The following CABCOCO1 variants were observed in gnomAD, a reference collection of about 807,000 sequenced individuals.
The protein encoded by CABCOCO1 is ciliary associated calcium binding coiled-coil 1.
Under a neutral mutation model 35.7 loss-of-function variants are expected in CABCOCO1, and 28 were observed. That is an observed-to-expected ratio of 0.78 (90% CI 0.58 to 1.07). The LOEUF is 1.07. Ranked by LOEUF, CABCOCO1 falls within the 50% of genes least tolerant of loss-of-function variation. The pLI is 0.00. For missense variants in CABCOCO1, 326 were observed against 309.2 expected, an observed-to-expected ratio of 1.05 and a Z score of -0.41; for synonymous variants, 95 against 100.1, an observed-to-expected ratio of 0.95 and a Z score of 0.30.
intron 5 of CABCOCO1, among the ~76,000 whole-genome samples, chr10:61,728,514 A>G (rs181763209): frequency 6.6e-6 from 1 of 152,302 alleles, no homozygotes; most frequent in Admixed American, 6.5e-5. Flanking sequence ...AGAAATAATA[A>G]TTTGTATTAT....
At chr10:61,694,721 C>T (rs1840248272) in intron 5 of CABCOCO1, among the ~76,000 whole-genome samples, 1 of 151,984 alleles carries the variant, frequency 6.6e-6, no homozygotes, top group Non-Finnish European at 1.5e-5. Context: ...CTATGGGCAT[C>T]TACAAGTTTG....
At chr10:61,763,829 G>T (rs1041753937) in intron 7 of CABCOCO1, among the ~76,000 whole-genome samples, 3 of 151,220 alleles carry the variant, frequency 2.0e-5, no homozygotes, top group African/African-American at 7.3e-5. Context: ...CATAGTATTT[G>T]CAGGATTGCT....
intron 5 of CABCOCO1, among the ~76,000 whole-genome samples, chr10:61,755,013 A>G (rs1056131978): frequency 6.6e-6 from 1 of 152,206 alleles, no homozygotes; most frequent in Non-Finnish European, 1.5e-5. Context: ...ATTTATTTCC[A>G]AGTCAAAAAT....
At chr10:61,727,648 T>G (rs530322560) in intron 5 of CABCOCO1, among the ~76,000 whole-genome samples, 21 of 152,358 alleles carry the variant, frequency 1.4e-4, no homozygotes, top group South Asian at 6.2e-4. Flanking sequence ...ATTTTCCTGA[T>G]AATTGTCATT....
intron 7 of CABCOCO1, among the ~76,000 whole-genome samples, chr10:61,765,398 A>G (rs1314449303): frequency 6.6e-6 from 1 of 152,212 alleles, no homozygotes; most frequent in Non-Finnish European, 1.5e-5. Flanking sequence ...TTTTTACCAA[A>G]AATATATCAG....
chr10:61,750,893 T>C (rs1841766866), intron 5 of CABCOCO1, among the ~76,000 whole-genome samples: 1 of 152,168 alleles, frequency 6.6e-6, no homozygotes, highest in Admixed American at 6.5e-5. Context: ...TAGGGGTCCT[T>C]AAGATGAATA....
At chr10:61,707,583 C>T (rs1589133430) in intron 5 of CABCOCO1, among the ~76,000 whole-genome samples, 1 of 152,084 alleles carries the variant, frequency 6.6e-6, no homozygotes, top group South Asian at 2.1e-4. Context: ...AGTAGGCTGA[C>T]TTCTAATCAG....
intron 5 of CABCOCO1, among the ~76,000 whole-genome samples, chr10:61,743,777 C>T (rs954370993): frequency 2.6e-5 from 4 of 152,162 alleles, no homozygotes; most frequent in African/African-American, 9.6e-5. Flanking sequence ...CCAACCCCAT[C>T]TGCATGCTAA....
At position 61,747,267 on chromosome 10, in the gene CABCOCO1, C is replaced by G. The variant is rs1420721773; in HGVS notation, c.553-12792C>G. Among the ~76,000 whole-genome samples, 6 of 151,884 alleles carry G rather than the reference C, an allele frequency of 4.0e-5. No individual in the cohort carries two copies. The South Asian group carries it at 8.3e-4, about 21-fold the overall frequency. On this transcript the variant is annotated intron_variant, in intron 5 of 7. Coordinates refer to ENST00000648843, the MANE Select transcript of CABCOCO1 (RefSeq NM_001366906.2). Reference sequence around the variant, plus strand: ...TAAAGAATTGGTGTGGTAATATTACCTTCCCAGTCATTTCATAGCATTTAC... The same window carrying G: ...TAAAGAATTGGTGTGGTAATATTACGTTCCCAGTCATTTCATAGCATTTAC...
intron 5 of CABCOCO1, among the ~76,000 whole-genome samples, chr10:61,712,475 G>A (rs1024675058): frequency 6.6e-5 from 10 of 152,156 alleles, no homozygotes; most frequent in African/African-American, 2.2e-4. Context: ...TCTGACAGTA[G>A]TTTCTTTTGC....
chr10:61,749,982 T>A lies in CABCOCO1; in HGVS notation c.553-10077T>A, dbSNP rs1656746459. ...TAAATGAGAGCTGCTTTTTTTTTTT[T>A]TCATCATCACAGTTTATATTCCCAA... On this transcript the variant is annotated intron_variant, in intron 5 of 7. Coordinates refer to ENST00000648843, the MANE Select transcript of CABCOCO1 (RefSeq NM_001366906.2). 2.0e-5 allele frequency among the ~76,000 whole-genome samples: 3 copies of A among 151,730 alleles called. No individual in the cohort carries two copies. In the South Asian group the frequency reaches 6.3e-4, roughly 32 times the overall value.
intron 1 of CABCOCO1, among the ~76,000 whole-genome samples, 194 bp from the exon 2 acceptor site, chr10:61,672,438 T>C (rs1186478537): frequency 6.6e-6 from 1 of 152,200 alleles, no homozygotes. Context: ...ACGGATTGAC[T>C]AGCCATTTGA....
chr10:61,692,632 C>T (rs967596239), intron 5 of CABCOCO1, among the ~76,000 whole-genome samples: 2 of 152,118 alleles, frequency 1.3e-5, no homozygotes, highest in Admixed American at 6.6e-5. Flanking sequence ...TTATAAATTA[C>T]TTGCTTCATA....
intron 5 of CABCOCO1, among the ~76,000 whole-genome samples, chr10:61,726,017 G>A (rs935215505): frequency 3.3e-5 from 5 of 152,166 alleles, no homozygotes; most frequent in African/African-American, 7.2e-5. Context: ...TGTGATCCCT[G>A]TGTGAGAGAA....
chr10:61,674,805 T>G (rs1457094850), intron 2 of CABCOCO1, among the ~76,000 whole-genome samples: 3 of 152,192 alleles, frequency 2.0e-5, no homozygotes, highest in East Asian at 3.8e-4. Context: ...TCTGGGTACA[T>G]TTCTCATGAT....
At chr10:61,747,600 T>C (rs1394213971) in intron 5 of CABCOCO1, among the ~76,000 whole-genome samples, 2 of 152,218 alleles carry the variant, frequency 1.3e-5, no homozygotes, top group African/African-American at 4.8e-5. Flanking sequence ...TTGAATGCTT[T>C]TAGCCCTGGT....
At chr10:61,720,917 C>CTTTTTTTA (rs1840993370) in intron 5 of CABCOCO1, among the ~76,000 whole-genome samples, 1 of 65,974 alleles carries the variant, frequency 1.5e-5, no homozygotes, top group Non-Finnish European at 3.0e-5. Flanking sequence ...TCTTTTCATT[C>CTTTTTTTA]TTTTTTTTTT....
intron 7 of CABCOCO1, among the ~76,000 whole-genome samples, chr10:61,762,030 G>T (rs1442317248): frequency 6.6e-6 from 1 of 152,086 alleles, no homozygotes; most frequent in Admixed American, 6.6e-5. Context: ...CTCCATGAAT[G>T]TAATAACTGG....
At chr10:61,678,032 T>G (rs1268964570) in intron 2 of CABCOCO1, among the ~76,000 whole-genome samples, 1 of 152,098 alleles carries the variant, frequency 6.6e-6, no homozygotes, top group Non-Finnish European at 1.5e-5. Flanking sequence ...TGTTTGCTAT[T>G]GCCATTTAAA....
Sources: allele counts gnomAD v4.1 joint callset (sites outside exome capture counted in the v4.1 genomes callset), GRCh38; gene constraint gnomAD v4.1.1; transcripts MANE v1.5; gene names NCBI Gene and HGNC (gene_info 2026-07-23, HGNC 2026-07-21).